Variants in LY75 observed in about 807,000 individuals in gnomAD.
The protein encoded by LY75 is C-type lectin domain family 13 member B.
LY75 carries 185 observed loss-of-function variants against 231.7 expected under a neutral mutation model. The observed-to-expected ratio is 0.80, with a 90% CI of 0.71 to 0.90. LY75 has a LOEUF of 0.90. LY75 is among the 40% of genes least tolerant of loss of function. LY75 has a pLI of 0.00. For missense variants in LY75, 1,947 were observed against 2,050.2 expected (o/e 0.95, Z 0.97); for synonymous variants, 668 against 689.0 (o/e 0.97, Z 0.48).
At chr2:159,850,784 AT>A (rs759763645) in intron 21 of LY75, among the ~76,000 whole-genome samples, 1,594 of 105,240 alleles carry the variant, frequency 0.015, 158 homozygotes, top group Admixed American at 0.033. Flanking sequence ...ATATATATAT[AT>A]ATATATATAT....
intron 6 of LY75, 40 bp downstream of exon 6, chr2:159,885,113 G>A: frequency 6.3e-7 from 1 of 1,587,770 alleles, no homozygotes. Flanking sequence ...ATGATTTTAA[G>A]ACCTATTTGT....
At chr2:159,885,413 A>G (rs1685554649) in intron 5 of LY75, 120 bp from the exon 6 acceptor site, 1 of 1,293,690 alleles carries the variant, frequency 7.7e-7, no homozygotes, top group Admixed American at 2.7e-5. Context: ...TATAGTTAAA[A>G]CTTAACTAAA....
Position 159,804,988 on chromosome 2 carries a change from T to G in LY75, c.*56A>C. The G allele has an allele frequency of 7.1e-7, 1 of 1,415,056 alleles. No homozygotes were observed. The highest frequency in any genetic ancestry group is 9.9e-7 in the Non-Finnish European group (1 of 1,011,308). 87.7% of individuals were successfully genotyped at this position (1,415,056 alleles called of 1,614,324 possible). ...AGTAAATACTGACACTGGGACATTT[T>G]AAGTGACTAATTTCTCATAACACAT... On this transcript the variant is annotated 3_prime_UTR_variant, in exon 35 of 35. Transcript: ENST00000263636.
At chr2:159,809,882 T>C in intron 32 of LY75, among the ~76,000 whole-genome samples, 1 of 152,044 alleles carries the variant, frequency 6.6e-6, no homozygotes, top group Non-Finnish European at 1.5e-5. Context: ...CTCGCCATGT[T>C]GGTCACGCTA....
Position 159,821,631 on chromosome 2 carries a change from AAG to A in LY75, c.3959-1713_3959-1712del, listed in dbSNP as rs780856315. On this transcript the variant is annotated intron_variant, in intron 28 of 34. Coordinates refer to ENST00000263636, the MANE Select transcript of LY75 (RefSeq NM_002349.4). ...CAAAAGTCTGTCTCAAAAAAAAAAAAAGAAAAGAAAAGAAAGAAAACATAGGA... is the reference window on the plus strand; with the variant it reads ...CAAAAGTCTGTCTCAAAAAAAAAAAAAAAAGAAAAGAAAGAAAACATAGGA... Among the ~76,000 whole-genome samples the A allele has an allele frequency of 5.5e-3, 354 of 64,244 alleles. 6 individuals carry two copies. The highest frequency in any genetic ancestry group is 0.033 in the Middle Eastern group (5 of 150). The allele number at this position is 64,244 out of a possible 152,430, so 42.1% of individuals were successfully genotyped here. A position where few individuals can be genotyped will look rare whatever the true frequency, so the allele number is the denominator to read the frequency against.
intron 32 of LY75, 162 bp from the exon 33 acceptor site, chr2:159,808,733 T>G: frequency 1.6e-6 from 1 of 634,938 alleles, no homozygotes; most frequent in Non-Finnish European, 2.0e-6. Flanking sequence ...AGGTCAAAAT[T>G]TTATAAGTAC....
In LY75 at chr2:159,834,069, T is replaced by C. The variant is rs373546713; in HGVS notation, c.3816A>G (p.Glu1272=). 3.6e-5 allele frequency: 58 copies of C among 1,613,840 alleles called. No homozygotes were observed. The African/African-American group carries it at 7.3e-4, about 20-fold the overall frequency. Residue 1272 remains glutamate, a synonymous_variant, in exon 27 of 35, where the codon GAA becomes GAG. Transcript: ENST00000263636. ...TCAGTTTCTGGCATTTAGTATGAAC[T>C]TCATCCTGTGTTGTTGCCATATGCC... is the stretch of plus-strand genomic sequence containing the variant. ...KNRHMATTQD[E]VHTKCQKLNP...
Position 159,885,003 on chromosome 2 carries a change from C to A in LY75, c.1054+150G>T. On this transcript the variant is annotated intron_variant, in intron 6 of 34. Coordinates refer to ENST00000263636, the MANE Select transcript of LY75 (RefSeq NM_002349.4). ...TTCATATATGGTTGATAATATCTAA[C>A]CACAGGGTTAAAAATCAAGTACTTT... The A allele has an allele frequency of 6.6e-6, 7 of 1,056,646 alleles. 1 individual carries two copies. The highest frequency in any genetic ancestry group is 5.8e-4 in the Middle Eastern group (2 of 3,454). The allele number at this position is 1,056,646 out of a possible 1,614,324, so 65.5% of individuals were successfully genotyped here.
chr2:159,838,070 A>T (rs1683887215), intron 25 of LY75, among the ~76,000 whole-genome samples: 1 of 152,190 alleles, frequency 6.6e-6, no homozygotes, highest in Non-Finnish European at 1.5e-5. Context: ...AAACGCCAAC[A>T]GCATTTCCTG....
intron 26 of LY75, 73 bp from the exon 27 acceptor site, chr2:159,834,284 T>C (rs1465525746): frequency 1.3e-6 from 2 of 1,575,530 alleles, no homozygotes; most frequent in Admixed American, 3.6e-5. Context: ...GTCATTAGGC[T>C]TGATTTGTAG....
Position 159,872,491 on chromosome 2 carries a change from C to T in LY75, c.2077G>A (p.Glu693Lys). The T allele has an allele frequency of 6.2e-7, 1 of 1,613,920 alleles. No individual in the cohort carries two copies. The highest frequency in any genetic ancestry group is 8.5e-7 in the Non-Finnish European group (1 of 1,179,898). ...AHLSSFSHVD[E>K]IKEFLHFLTD... ...AAAAAGTGAAGAAATTCCTTTATTT[C>T]ATCCACATGGCTGAAGCTAGAAAGG... Residue 693 changes from glutamate (E) to lysine (K), a missense_variant, in exon 13 of 35, where the codon GAA becomes AAA. Coordinates refer to ENST00000263636, the MANE Select transcript of LY75 (RefSeq NM_002349.4).
intron 28 of LY75, among the ~76,000 whole-genome samples, chr2:159,827,777 A>C (rs532298692): frequency 6.6e-6 from 1 of 152,372 alleles, no homozygotes; most frequent in African/African-American, 2.4e-5. Flanking sequence ...CTATGCAGCC[A>C]TAAAAAAGGA....
At chr2:159,894,570 G>A (rs1168794560) in intron 2 of LY75, among the ~76,000 whole-genome samples, 1 of 152,182 alleles carries the variant, frequency 6.6e-6, no homozygotes. Flanking sequence ...AACCACCTGC[G>A]GCATTAGAAA....
chr2:159,872,667 G>A (rs770239697), intron 12 of LY75, 74 bp from the exon 13 acceptor site: 121 of 1,519,834 alleles, frequency 8.0e-5, no homozygotes, highest in Non-Finnish European at 1.1e-4. Context: ...GTCAATTACT[G>A]TCACATGTGT....
intron 24 of LY75, among the ~76,000 whole-genome samples, chr2:159,841,760 T>C (rs937684087): frequency 6.6e-6 from 1 of 152,096 alleles, no homozygotes; most frequent in African/African-American, 2.4e-5. Flanking sequence ...ATTAAAAATA[T>C]GAAGTTTTTT....
Position 159,854,544 on chromosome 2 carries a change from G to A in LY75, c.2420-9C>T. The A allele has an allele frequency of 6.2e-7, 1 of 1,607,912 alleles. No individual in the cohort carries two copies. Among genetic ancestry groups the A allele is most frequent in the South Asian group, 1.1e-5 (1 of 90,284 alleles). On this transcript the variant is annotated splice_polypyrimidine_tract_variant and intron_variant, in intron 17 of 34. Transcript: ENST00000263636. The stretch of plus-strand genomic sequence containing the variant: ...ATGAATTCCAGCACGGTCTAAAGAA[G>A]AAGAAGAAAAAGATTAGAATTATGA...
chr2:159,887,591 A>C (rs1255473645), intron 4 of LY75, among the ~76,000 whole-genome samples: 5 of 151,556 alleles, frequency 3.3e-5, no homozygotes, highest in Non-Finnish European at 5.9e-5. Flanking sequence ...AAAAGAAAAA[A>C]GAAAGAAAGA....
At chr2:159,855,164 AG>A (rs1354053494) in intron 16 of LY75, among the ~76,000 whole-genome samples, 2 of 152,224 alleles carry the variant, frequency 1.3e-5, no homozygotes, top group Non-Finnish European at 2.9e-5. Flanking sequence ...ATATTAATGA[AG>A]TATTTCTAGC....
intron 23 of LY75, among the ~76,000 whole-genome samples, chr2:159,848,988 T>C (rs1684300534): frequency 6.6e-6 from 1 of 152,206 alleles, no homozygotes; most frequent in Non-Finnish European, 1.5e-5. Context: ...TAGATGGTGA[T>C]TTAAATGTAT....
Sources: allele counts gnomAD v4.1 joint callset (sites outside exome capture counted in the v4.1 genomes callset), GRCh38; gene constraint gnomAD v4.1.1; transcripts MANE v1.5; gene names NCBI Gene and HGNC (gene_info 2026-07-23, HGNC 2026-07-21).